LRRC4C: variants seen among roughly 807,000 people sequenced by gnomAD.
LRRC4C encodes the protein leucine-rich repeat-containing protein 4C.
In LRRC4C, 5 loss-of-function variants were observed where a neutral mutation model predicts 33.6. That is an observed-to-expected ratio of 0.15 (90% CI 0.08 to 0.31). LRRC4C has a LOEUF of 0.31. LRRC4C is among the 10% of genes least tolerant of loss of function. The pLI, the probability that LRRC4C is intolerant of heterozygous loss-of-function variation, is 1.00. For synonymous variants in LRRC4C, 329 were observed against 302.0 expected, an observed-to-expected ratio of 1.09 and a Z score of -0.93; for missense variants, 560 against 796.7, an observed-to-expected ratio of 0.70 and a Z score of 3.58.
rs557266788 is a variant in LRRC4C at position 40,850,659 on chromosome 11, G to T, written c.-407+82976C>A. On this transcript the variant is annotated intron_variant, in intron 2 of 6. Transcript: ENST00000528697. ...TCCCTTAGCAGACCTGGAGCACTGT[G>T]CTGGGAGATCCGCTGCTCTCTTCAG... 6.6e-5 allele frequency among the ~76,000 whole-genome samples: 10 copies of T among 152,340 alleles called. No homozygotes were observed. In the East Asian group the frequency reaches 1.9e-3, roughly 29 times the overall value.
At chr11:40,188,216 A>G (rs894793087) in intron 5 of LRRC4C, among the ~76,000 whole-genome samples, 5 of 152,212 alleles carry the variant, frequency 3.3e-5, no homozygotes, top group African/African-American at 9.6e-5. Flanking sequence ...TCTAAATGCA[A>G]AGGTCTTGGT....
At chr11:40,572,399 T>C (rs1958018619) in intron 3 of LRRC4C, among the ~76,000 whole-genome samples, 1 of 152,102 alleles carries the variant, frequency 6.6e-6, no homozygotes, top group African/African-American at 2.4e-5. Context: ...ATGGAGAACG[T>C]AGGTATGTTC....
At chr11:40,135,736 G>C (rs1856926264) in intron 6 of LRRC4C, among the ~76,000 whole-genome samples, 1 of 152,176 alleles carries the variant, frequency 6.6e-6, no homozygotes, top group African/African-American at 2.4e-5. Flanking sequence ...GGGGCTGACA[G>C]TCCGATTCTA....
chr11:41,364,172 T>C (rs1034222287), intron 1 of LRRC4C, among the ~76,000 whole-genome samples: 7 of 152,208 alleles, frequency 4.6e-5, no homozygotes, highest in African/African-American at 1.7e-4. Flanking sequence ...GGCTACCCCC[T>C]GCTCATTATC....
At chr11:40,162,308 T>C (rs907091284) in intron 5 of LRRC4C, among the ~76,000 whole-genome samples, 1 of 152,200 alleles carries the variant, frequency 6.6e-6, no homozygotes, top group Non-Finnish European at 1.5e-5. Context: ...TTTGGCATTT[T>C]TCTTTGGTGC....
intron 3 of LRRC4C, among the ~76,000 whole-genome samples, chr11:40,630,018 TAATA>T (rs1385453106): frequency 6.6e-6 from 1 of 152,092 alleles, no homozygotes; most frequent in Non-Finnish European, 1.5e-5. Context: ...CTAAAATCTA[TAATA>T]AATAATCTCT....
intron 3 of LRRC4C, among the ~76,000 whole-genome samples, chr11:40,378,479 C>A (rs565507180): frequency 1.8e-4 from 28 of 151,658 alleles, no homozygotes; most frequent in South Asian, 1.0e-3. Flanking sequence ...CTGACTCTTA[C>A]AAAAGATAGT....
At chr11:40,387,088 G>A (rs1361825620) in intron 3 of LRRC4C, among the ~76,000 whole-genome samples, 3 of 152,144 alleles carry the variant, frequency 2.0e-5, no homozygotes, top group Admixed American at 6.5e-5. Flanking sequence ...TTCTGCATTC[G>A]ATTGTAGGAT....
At chr11:40,286,239 C>T (rs536169093) in intron 4 of LRRC4C, among the ~76,000 whole-genome samples, 3 of 152,196 alleles carry the variant, frequency 2.0e-5, no homozygotes, top group Admixed American at 6.5e-5. Flanking sequence ...TAACAACATA[C>T]TGTAATAGAA....
chr11:40,205,630 T>C (rs1229055059), intron 5 of LRRC4C, among the ~76,000 whole-genome samples: 1 of 152,182 alleles, frequency 6.6e-6, no homozygotes, highest in Non-Finnish European at 1.5e-5. Context: ...TGAAGTTTCA[T>C]CTCTCTAAGG....
At chr11:40,342,507 TATCTCATAAATCAGTGAGGAAA>T (rs1946916210) in intron 3 of LRRC4C, among the ~76,000 whole-genome samples, 1 of 151,978 alleles carries the variant, frequency 6.6e-6, no homozygotes, top group South Asian at 2.1e-4. Flanking sequence ...AAAAGGCTTA[TATCTCATAAATCAGTGAGGAAA>T]ATACTGCGAT....
intron 6 of LRRC4C, among the ~76,000 whole-genome samples, chr11:40,127,831 A>C (rs1002601180): frequency 2.0e-5 from 3 of 152,192 alleles, no homozygotes; most frequent in Non-Finnish European, 1.5e-5. Flanking sequence ...AGAAAATATC[A>C]GGGTACACAA....
intron 4 of LRRC4C, among the ~76,000 whole-genome samples, chr11:40,294,826 T>A (rs1009949078): frequency 9.2e-5 from 14 of 151,590 alleles, no homozygotes; most frequent in African/African-American, 3.4e-4. Context: ...AGACTCCGTC[T>A]CAAATAAATA....
chr11:40,810,176 G>C (rs1210192034), intron 2 of LRRC4C, among the ~76,000 whole-genome samples: 1 of 152,100 alleles, frequency 6.6e-6, no homozygotes, highest in Non-Finnish European at 1.5e-5. Flanking sequence ...CCTTGGTGTG[G>C]ATAAATCCAA....
chr11:40,416,929 A>T (rs1950343982), intron 3 of LRRC4C, among the ~76,000 whole-genome samples: 1 of 152,218 alleles, frequency 6.6e-6, no homozygotes, highest in East Asian at 1.9e-4. Flanking sequence ...GAATGACTTG[A>T]TGAGTTTTCT....
intron 1 of LRRC4C, among the ~76,000 whole-genome samples, chr11:41,355,947 A>G (rs1410129311): frequency 6.6e-6 from 1 of 152,126 alleles, no homozygotes; most frequent in Non-Finnish European, 1.5e-5. Context: ...CATAGCTAGA[A>G]ATATTATCAA....
chr11:41,094,744 T>C (rs1565378181), intron 1 of LRRC4C, among the ~76,000 whole-genome samples: 2 of 152,278 alleles, frequency 1.3e-5, no homozygotes, highest in Non-Finnish European at 2.9e-5. Flanking sequence ...AGCATTTATC[T>C]TTCTTGTCAA....
At chr11:41,233,551 A>G (rs1056513043) in intron 1 of LRRC4C, among the ~76,000 whole-genome samples, 3 of 152,164 alleles carry the variant, frequency 2.0e-5, no homozygotes, top group Admixed American at 2.0e-4. Flanking sequence ...AACGCCTAGA[A>G]GAAAATACAT....
At chr11:41,270,381 A>T (rs1367202140) in intron 1 of LRRC4C, among the ~76,000 whole-genome samples, 2 of 152,110 alleles carry the variant, frequency 1.3e-5, no homozygotes, top group African/African-American at 4.8e-5. Flanking sequence ...TTATTATAAT[A>T]TAAACAAATT....
Sources: gnomAD v4.1 joint callset for allele counts (sites outside exome capture counted in the v4.1 genomes callset) on GRCh38, gnomAD v4.1.1 for gene constraint, MANE v1.5 for transcripts, NCBI Gene and HGNC (gene_info 2026-07-23, HGNC 2026-07-21) for gene names.